Variants in HPF1 observed in about 807,000 individuals in gnomAD.
HPF1 encodes the protein UPF0609 protein C4orf27.
Under a neutral mutation model 38.8 loss-of-function variants are expected in HPF1, and 35 were observed. The ratio of observed to expected loss-of-function variants is 0.90; its 90% CI spans 0.69 to 1.19. The LOEUF is 1.19. HPF1 is among the 50% of genes most tolerant of loss of function. The pLI, the probability that HPF1 is intolerant of heterozygous loss-of-function variation, is 0.00. For missense variants in HPF1, 367 were observed against 405.8 expected, an observed-to-expected ratio of 0.90 and a Z score of 0.82; for synonymous variants, 115 against 139.2, an observed-to-expected ratio of 0.83 and a Z score of 1.22.
chr4:169,752,152 T>C (rs1158777474), intron 2 of HPF1, among the ~76,000 whole-genome samples: 1 of 151,358 alleles, frequency 6.6e-6, no homozygotes. Flanking sequence ...TAATAAATGT[T>C]TGTATACAGG....
At chr4:169,750,191 G>T (rs1278965434) in intron 3 of HPF1, among the ~76,000 whole-genome samples, 3 of 152,064 alleles carry the variant, frequency 2.0e-5, no homozygotes, top group Non-Finnish European at 4.4e-5. Context: ...TAAACAAGAG[G>T]ACCAGTGTGA....
At chr4:169,736,755 T>C (rs1733900085) in intron 6 of HPF1, among the ~76,000 whole-genome samples, 1 of 152,192 alleles carries the variant, frequency 6.6e-6, no homozygotes, top group Admixed American at 6.5e-5. Flanking sequence ...TTGATTTCCC[T>C]TTAAGTTTTA....
intron 3 of HPF1, among the ~76,000 whole-genome samples, chr4:169,749,287 C>CA (rs1362182979): frequency 1.3e-5 from 2 of 152,128 alleles, no homozygotes; most frequent in Non-Finnish European, 2.9e-5. Flanking sequence ...TGAATGTTTT[C>CA]AGTTTAGTAG....
intron 6 of HPF1, among the ~76,000 whole-genome samples, chr4:169,736,641 C>T (rs1020034490): frequency 6.6e-6 from 1 of 152,168 alleles, no homozygotes; most frequent in Non-Finnish European, 1.5e-5. Context: ...TCACAACCCC[C>T]AGAGACTGGT....
At chr4:169,753,652 A>G (rs764035101) in intron 2 of HPF1, 24 bp downstream of exon 2, 1 of 1,597,798 alleles carries the variant, frequency 6.3e-7, no homozygotes, top group Admixed American at 1.7e-5. Context: ...CCATTAATAC[A>G]AGAATGATTC....
At chr4:169,753,883 C>T in intron 1 of HPF1, 48 bp from the exon 2 acceptor site, 3 of 1,445,152 alleles carry the variant, frequency 2.1e-6, no homozygotes, top group Non-Finnish European at 2.9e-6. Flanking sequence ...CAGTAACTCT[C>T]CTTGCATAAC....
At chr4:169,757,540 C>A (rs758568074) in intron 1 of HPF1, among the ~76,000 whole-genome samples, 1 of 152,170 alleles carries the variant, frequency 6.6e-6, no homozygotes, top group Non-Finnish European at 1.5e-5. Context: ...GGTATGTAAT[C>A]GGTTCCCAAT....
chr4:169,737,686 CCAA>C lies in HPF1; in HGVS notation c.707_709del (p.Val236del). 6.2e-7 allele frequency: 1 copy of C among 1,610,378 alleles called. No homozygotes were observed. Among genetic ancestry groups the C allele is most frequent in the Non-Finnish European group, 8.5e-7 (1 of 1,176,974 alleles). On this transcript the variant is annotated inframe_deletion, in exon 6 of 8. Coordinates refer to ENST00000393381, the MANE Select transcript of HPF1 (RefSeq NM_017867.3). ...ATCTGTTTCAGGGAGCTCTCGGTAC[CCAA>C]CATCATTTTTATCTACTGGAACAAC...
intron 2 of HPF1, among the ~76,000 whole-genome samples, chr4:169,751,952 T>C (rs1275480675): frequency 6.6e-6 from 1 of 152,184 alleles, no homozygotes; most frequent in Non-Finnish European, 1.5e-5. Context: ...TGTATTGTAA[T>C]CTGCTTTTGT....
chr4:169,736,480 T>A (rs1282331089), intron 6 of HPF1, among the ~76,000 whole-genome samples: 1 of 152,118 alleles, frequency 6.6e-6, no homozygotes, highest in East Asian at 1.9e-4. Context: ...GTCTTCCCTA[T>A]GGCACTCCTC....
intron 4 of HPF1, among the ~76,000 whole-genome samples, chr4:169,743,469 A>C (rs2150291351): frequency 6.8e-6 from 1 of 146,264 alleles, no homozygotes; most frequent in African/African-American, 2.6e-5. Context: ...TTATAACACT[A>C]AAGGTCGATA....
intron 6 of HPF1, 85 bp downstream of exon 6, chr4:169,737,575 T>C (rs1004235399): frequency 8.1e-6 from 7 of 864,376 alleles, no homozygotes; most frequent in African/African-American, 3.3e-5. Flanking sequence ...AAAAGGTATA[T>C]AGACATACCT....
intron 2 of HPF1, 25 bp from the exon 3 acceptor site, chr4:169,750,750 A>T (rs1734107630): frequency 6.6e-7 from 1 of 1,515,656 alleles, no homozygotes; most frequent in South Asian, 1.2e-5. Flanking sequence ...AATTTAGACA[A>T]TACTTTCTGG....
intron 7 of HPF1, 121 bp downstream of exon 7, chr4:169,731,583 C>A: frequency 1.5e-6 from 1 of 676,140 alleles, no homozygotes; most frequent in Non-Finnish European, 2.3e-6. Flanking sequence ...AGCTGAATCC[C>A]TGTCTTACCT....
chr4:169,747,883 T>C (rs1467425076), intron 4 of HPF1, among the ~76,000 whole-genome samples: 1 of 152,212 alleles, frequency 6.6e-6, no homozygotes, highest in East Asian at 1.9e-4. Flanking sequence ...AGCACCTGGT[T>C]CTTAGCTTCA....
intron 2 of HPF1, among the ~76,000 whole-genome samples, chr4:169,753,011 T>G (rs1442107371): frequency 2.6e-5 from 4 of 151,274 alleles, no homozygotes; most frequent in Non-Finnish European, 1.5e-5. Flanking sequence ...CTATGAACAG[T>G]TTATATCCTT....
Position 169,755,059 on chromosome 4 carries a change from T to TA in HPF1, c.49-1225_49-1224insT, listed in dbSNP as rs1553980066. ...TAGGTATATCTCCTAATGCTATCCC[T>TA]CCCCCCGCCCCCTCATATTTATATT... On this transcript the variant is annotated intron_variant, in intron 1 of 7. Coordinates refer to ENST00000393381, the MANE Select transcript of HPF1 (RefSeq NM_017867.3). Among the ~76,000 whole-genome samples the TA allele has an allele frequency of 5.9e-5, 7 of 118,650 alleles. No individual in the cohort carries two copies. The South Asian group carries it at 8.4e-4, about 14-fold the overall frequency. The allele number at this position is 118,650 out of a possible 152,430, so 77.8% of individuals were successfully genotyped here.
At chr4:169,734,747 CTTAAA>C (rs566461544) in intron 6 of HPF1, among the ~76,000 whole-genome samples, 25 of 152,266 alleles carry the variant, frequency 1.6e-4, no homozygotes, top group Middle Eastern at 3.4e-3. Flanking sequence ...AACTAGAATA[CTTAAA>C]TTAAGCTACA....
chr4:169,743,334 T>C (rs545711737), intron 4 of HPF1, among the ~76,000 whole-genome samples: 30 of 149,416 alleles, frequency 2.0e-4, no homozygotes, highest in Non-Finnish European at 3.8e-4. Flanking sequence ...GGTCTCGAAC[T>C]CCTGACCTCA....
Sources: gnomAD v4.1 joint callset for allele counts (sites outside exome capture counted in the v4.1 genomes callset) on GRCh38, gnomAD v4.1.1 for gene constraint, MANE v1.5 for transcripts, NCBI Gene and HGNC (gene_info 2026-07-23, HGNC 2026-07-21) for gene names.